Variants in EIF3G observed in about 807,000 individuals in gnomAD.
EIF3G encodes the protein eukaryotic translation initiation factor 3 subunit G, also known as eukaryotic translation initiation factor 3 RNA-binding subunit.
In EIF3G, 10 loss-of-function variants were observed where a neutral mutation model predicts 41.7. That is an observed-to-expected ratio of 0.24 (90% CI 0.15 to 0.41). EIF3G has a LOEUF of 0.41. EIF3G is among the 10% of genes least tolerant of loss of function. The pLI, the probability that EIF3G is intolerant of heterozygous loss-of-function variation, is 1.00. For missense variants in EIF3G, 297 were observed against 444.0 expected (o/e 0.67, Z 2.98); for synonymous variants, 204 against 172.5 (o/e 1.18, Z -1.43).
chr19:10,115,451 AGGGGCT>A, intron 10 of EIF3G, 22 bp downstream of exon 10: 1 of 1,585,356 alleles, frequency 6.3e-7, no homozygotes, highest in Non-Finnish European at 8.6e-7. Flanking sequence ...GGCAGGGAGC[AGGGGCT>A]GGGGCAGGGA....
Position 10,119,123 on chromosome 19 carries a change from C to T in EIF3G, c.116G>A (p.Gly39Asp), listed in dbSNP as rs759633424. Residue 39 changes from glycine to aspartate, a missense_variant, in exon 3 of 11, where the codon GGT (glycine) becomes GAT (aspartate). Physicochemically the swap from Gly to Asp is moderately conservative, Grantham distance 94. Around this residue, in one of 4 missense-constraint regions of EIF3G, gnomAD observed 147 missense variants for 162.4 expected, o/e 0.91. Transcript: ENST00000253108. Reference sequence around the variant, plus strand: ...TAGCTCTGGCTCTGGGCTGGTGTCACCTGTGGCCAGAGGGATCCCCTTGAG... The same window carrying T: ...TAGCTCTGGCTCTGGGCTGGTGTCATCTGTGGCCAGAGGGATCCCCTTGAG... ...ELLKGIPLATGDTSPEPELLP... is the reference protein window; with the variant it reads ...ELLKGIPLATDDTSPEPELLP... The T allele has an allele frequency of 5.5e-5, 88 of 1,602,202 alleles. No homozygotes were observed. The highest frequency in any genetic ancestry group is 7.2e-5 in the Non-Finnish European group (84 of 1,173,778).
At chr19:10,118,582 A>AAT in intron 5 of EIF3G, 86 bp downstream of exon 5, 1 of 1,299,460 alleles carries the variant, frequency 7.7e-7, no homozygotes, top group Non-Finnish European at 1.1e-6. Flanking sequence ...AAAAAAAAAA[A>AAT]GAGTTAAGCC....
chr19:10,116,625 G>A lies in EIF3G; in HGVS notation c.595+175C>T, dbSNP rs1297892435. ...CACAGCTGCCAAGTCGCACATATAT[G>A]GGAGACGCCCGTCTCCCAACCATAG... On this transcript the variant is annotated intron_variant, in intron 7 of 10. Coordinates refer to ENST00000253108, the MANE Select transcript of EIF3G (RefSeq NM_003755.5). This position sits in a 1 kb window ranked among gnomAD's most constrained non-coding sequence, Gnocchi z 4.1. 9.5e-6 allele frequency: 6 copies of A among 629,664 alleles called. No individual in the cohort carries two copies. The highest frequency in any genetic ancestry group is 8.7e-5 in the South Asian group (4 of 45,746). The allele number at this position is 629,664 out of a possible 1,614,324, so 39.0% of individuals were successfully genotyped here. A position where few individuals can be genotyped will look rare whatever the true frequency, so the allele number is the denominator to read the frequency against.
rs1307135617 is a variant in EIF3G, at chr19:10,118,289, G to A, written c.300+379C>T. On this transcript the variant is annotated intron_variant, in intron 5 of 10. Transcript: ENST00000253108. Reference sequence around the variant, plus strand: ...AGGTACAAAGAGGTAAGCCTGGCCGGGTGCGATGGCTCACACCTGTAATCC... The same window carrying A: ...AGGTACAAAGAGGTAAGCCTGGCCGAGTGCGATGGCTCACACCTGTAATCC... The A allele has an allele frequency of 2.8e-5, 7 of 252,138 alleles. No individual in the cohort carries two copies. The Admixed American group carries it at 3.6e-4, about 13-fold the overall frequency. The allele number at this position is 252,138 out of a possible 1,614,324, so 15.6% of individuals were successfully genotyped here. A position where few individuals can be genotyped will look rare whatever the true frequency, so the allele number is the denominator to read the frequency against.
Position 10,118,853 on chromosome 19 carries a change from A to G in EIF3G, c.240+15T>C. 2.5e-6 allele frequency: 4 copies of G among 1,603,888 alleles called. No individual in the cohort carries two copies. Among genetic ancestry groups the G allele is most frequent in the Non-Finnish European group, 2.6e-6 (3 of 1,176,122 alleles). On this transcript the variant is annotated intron_variant, in intron 4 of 10. Coordinates refer to ENST00000253108, the MANE Select transcript of EIF3G (RefSeq NM_003755.5). The stretch of plus-strand genomic sequence containing the variant: ...AAGCACAAGGGTCCCCACTCCCTGC[A>G]CCCCCCACCCTCACCTTGAACTTCT...
intron 10 of EIF3G, 93 bp downstream of exon 10, chr19:10,115,386 T>G: frequency 2.1e-6 from 3 of 1,411,842 alleles, no homozygotes; most frequent in South Asian, 2.7e-5. Context: ...GGGGGACTGT[T>G]AAATTGGCTC....
chr19:10,115,628 CGACCCTAGGACAAGT>C, intron 9 of EIF3G, 41 bp downstream of exon 9: 1 of 1,611,754 alleles, frequency 6.2e-7, no homozygotes, highest in Non-Finnish European at 8.5e-7. Context: ...CTAGGACAGG[CGACCCTAGGACAAGT>C]GACCCTCACA....
intron 10 of EIF3G, 66 bp downstream of exon 10, chr19:10,115,413 C>T (rs944030867): frequency 3.3e-6 from 5 of 1,526,990 alleles, no homozygotes; most frequent in South Asian, 1.2e-5. Flanking sequence ...ATTGGTTGGC[C>T]CAACACTCCG....
At position 10,119,420 on chromosome 19, in the gene EIF3G, G is replaced by C. The variant is rs79532108; in HGVS notation, c.67+234C>G. ...AGGCGCCAGTAGAGAAACAGGAGAC[G>C]GGAGATTACAACTTCCTCCCTGGAG... On this transcript the variant is annotated intron_variant, in intron 2 of 10. Transcript: ENST00000253108. 6.2e-3 allele frequency: 4,622 copies of C among 748,744 alleles called. 141 individuals are homozygous for C. Among genetic ancestry groups the C allele is most frequent in the South Asian group, 0.044 (3,005 of 67,636 alleles). The allele number at this position is 748,744 out of a possible 1,614,324, so 46.4% of individuals were successfully genotyped here.
Position 10,118,734 on chromosome 19 carries a change from A to G in EIF3G, c.241-7T>C. 6.2e-7 allele frequency: 1 copy of G among 1,613,734 alleles called. No homozygotes were observed. The highest frequency in any genetic ancestry group is 8.5e-7 in the Non-Finnish European group (1 of 1,179,920). On this transcript the variant is annotated splice_region_variant and splice_polypyrimidine_tract_variant and intron_variant, in intron 4 of 10. Transcript: ENST00000253108. ...TCCTGAAGGTGCGGACAATCTGAGG[A>G]TGGGAGGGGAGAAGGGTCAGGCTCC...
rs201479773 is a variant in EIF3G at position 10,119,822 on chromosome 19, C to T, written c.20+18G>A. The T allele has an allele frequency of 1.9e-6, 3 of 1,614,202 alleles. No homozygotes were observed. Among genetic ancestry groups the T allele is most frequent in the Non-Finnish European group, 2.5e-6 (3 of 1,180,032 alleles). On this transcript the variant is annotated intron_variant, in intron 1 of 10. Coordinates refer to ENST00000253108, the MANE Select transcript of EIF3G (RefSeq NM_003755.5). ...CCCCAACCGCTTCCCGTGCCCCTTT[C>T]CGCGATCGCCGACTCACTCAAAGTC...
chr19:10,115,908 A>G, intron 8 of EIF3G, 59 bp downstream of exon 8: 1 of 1,605,386 alleles, frequency 6.2e-7, no homozygotes, highest in Non-Finnish European at 8.5e-7. Flanking sequence ...CGCTTCGGGG[A>G]TAATTACGAG....
chr19:10,119,645 T>G lies in EIF3G; in HGVS notation c.67+9A>C. 6.4e-7 allele frequency: 1 copy of G among 1,568,566 alleles called. No individual in the cohort carries two copies. ...GCCGCGAATACCCCGGGCGACCGTG[T>G]ACACTTACCGTCCTCCCCCTCCTCC... On this transcript the variant is annotated intron_variant, in intron 2 of 10. Transcript: ENST00000253108.
In EIF3G at chr19:10,118,975, C is replaced by G; in HGVS notation, c.152-19G>C. The G allele has an allele frequency of 6.2e-7, 1 of 1,613,988 alleles. No individual in the cohort carries two copies. The highest frequency in any genetic ancestry group is 1.1e-5 in the South Asian group (1 of 91,070). The stretch of plus-strand genomic sequence containing the variant: ...AGTGGAGCTGGCAGAAGGGGAAAAA[C>G]AGAGAAAGACTGAGCCCTGGGTCAT... On this transcript the variant is annotated intron_variant, in intron 3 of 10. Transcript: ENST00000253108.
At position 10,117,031 on chromosome 19, in the gene EIF3G, C is replaced by T. The variant is rs2089262959; in HGVS notation, c.406-42G>A. The T allele has an allele frequency of 3.1e-6, 5 of 1,602,868 alleles. No individual in the cohort carries two copies. In the South Asian group the frequency reaches 5.6e-5, roughly 18 times the overall value. On this transcript the variant is annotated intron_variant, in intron 6 of 10. Coordinates refer to ENST00000253108, the MANE Select transcript of EIF3G (RefSeq NM_003755.5). ...GGGGGGAGCTCAGAGGCGGCTAAGG[C>T]ACCCCCTTTGCCCCACCCCAGGATG...
Position 10,116,182 on chromosome 19 carries a change from T to G in EIF3G, c.596-108A>C. ...GTGTTGAGCCAGCGCAGGCACTGTG[T>G]GCCAAACCACAGGCAGCCAGTTGGC... is the stretch of plus-strand genomic sequence containing the variant. On this transcript the variant is annotated intron_variant, in intron 7 of 10. Transcript: ENST00000253108. The surrounding 1 kb of genome is among the most constrained non-coding windows in gnomAD (Gnocchi z 4.1). The G allele has an allele frequency of 8.7e-7, 1 of 1,148,976 alleles. No homozygotes were observed. The highest frequency in any genetic ancestry group is 2.5e-5 in the Admixed American group (1 of 40,172). 71.2% of individuals were successfully genotyped at this position (1,148,976 alleles called of 1,614,324 possible).
rs2089292087 is a variant in EIF3G at position 10,119,876 on chromosome 19, C to T, written c.-17G>A. 3 of 1,614,122 alleles carry T rather than the reference C, an allele frequency of 1.9e-6. No homozygotes were observed. Among genetic ancestry groups the T allele is most frequent in the African/African-American group, 1.3e-5 (1 of 75,038 alleles). ...AGTAGGCATCGCAAAAAGTATTCTCCACGCAGCCCAAGCCCGGCCAGAGAG... is the reference window on the plus strand; with the variant it reads ...AGTAGGCATCGCAAAAAGTATTCTCTACGCAGCCCAAGCCCGGCCAGAGAG... On this transcript the variant is annotated 5_prime_UTR_variant, in exon 1 of 11. Coordinates refer to ENST00000253108, the MANE Select transcript of EIF3G (RefSeq NM_003755.5).
At chr19:10,115,916 G>GA (rs2089238709) in intron 8 of EIF3G, 51 bp downstream of exon 8, 3 of 1,605,030 alleles carry the variant, frequency 1.9e-6, no homozygotes, top group Non-Finnish European at 2.6e-6. Context: ...GGATAATTAC[G>GA]AGGTGCCGGG....
In EIF3G at chr19:10,119,050, TGGCAGTCCTCACTCACCTCCC is replaced by T; in HGVS notation, c.151+17_151+37del. On this transcript the variant is annotated intron_variant, in intron 3 of 10. Coordinates refer to ENST00000253108, the MANE Select transcript of EIF3G (RefSeq NM_003755.5). The stretch of plus-strand genomic sequence containing the variant: ...AGGGAGAGGCAGCCCGGACACCGAG[TGGCAGTCCTCACTCACCTCCC>T]GGCAGTCCTCACTCACCTCCCGGCA... The T allele has an allele frequency of 0.43, 682,543 of 1,592,662 alleles. 151,019 individuals carry two copies. The highest frequency in any genetic ancestry group is 0.47 in the Admixed American group (26,769 of 56,496).
Sources: gnomAD v4.1 joint callset for allele counts on GRCh38, gnomAD v4.1.1 for gene constraint, gnomAD v4.1.1 regional missense constraint, Gnocchi (gnomAD v3.1) non-coding constraint, MANE v1.5 for transcripts, NCBI Gene and HGNC (gene_info 2026-07-23, HGNC 2026-07-21) for gene names.